The following RC3H1 variants were observed in gnomAD, a reference collection of about 807,000 sequenced individuals.
The protein encoded by RC3H1 is ring finger and CCCH-type domains 1.
RC3H1 carries 50 observed loss-of-function variants against 138.2 expected under a neutral mutation model. The observed-to-expected ratio is 0.36, with a 90% CI of 0.29 to 0.46. The LOEUF (loss-of-function observed/expected upper bound fraction) is 0.46, where lower values mean the gene tolerates loss of function less well. RC3H1 is among the 20% of genes least tolerant of loss of function. The pLI is 1.00. For synonymous variants in RC3H1, 462 were observed against 489.1 expected (o/e 0.94, Z 0.73); for missense variants, 1,031 against 1,388.1 (o/e 0.74, Z 4.09).
chr1:173,953,281 CCTT>C (rs1659496065), intron 13 of RC3H1, among the ~76,000 whole-genome samples: 3 of 152,090 alleles, frequency 2.0e-5, no homozygotes, highest in Admixed American at 1.3e-4. Flanking sequence ...TTACAGTGCT[CCTT>C]TTTTTTGAGA....
At chr1:173,940,398 G>C (rs1317343882) in intron 19 of RC3H1, among the ~76,000 whole-genome samples, 1 of 152,088 alleles carries the variant, frequency 6.6e-6, no homozygotes, top group Non-Finnish European at 1.5e-5. Flanking sequence ...TTGAACCCAG[G>C]AGGCGGAGGT....
At chr1:173,963,130 G>A (rs929787545) in intron 11 of RC3H1, among the ~76,000 whole-genome samples, 1 of 151,852 alleles carries the variant, frequency 6.6e-6, no homozygotes, top group Admixed American at 6.6e-5. Flanking sequence ...CTCCATACCT[G>A]GTATTATCAT....
intron 5 of RC3H1, among the ~76,000 whole-genome samples, chr1:173,981,328 C>A (rs1413447157): frequency 6.6e-6 from 1 of 152,134 alleles, no homozygotes; most frequent in Non-Finnish European, 1.5e-5. Flanking sequence ...TTTAGAATAT[C>A]TGCATTAAAC....
Position 173,935,189 on chromosome 1 carries a change from T to C in RC3H1, c.*3532A>G, listed in dbSNP as rs1419365917. 6.6e-6 allele frequency: 1 copy of C among 152,202 alleles called. No homozygotes were observed. The highest frequency in any genetic ancestry group is 1.5e-5 in the Non-Finnish European group (1 of 68,032). 9.4% of individuals were successfully genotyped at this position (152,202 alleles called of 1,614,324 possible). The stretch of plus-strand genomic sequence containing the variant: ...TTTGGTCACTTCAGCCTCTGTACGT[T>C]ATCTAAGACAGGACAGTTACTGGAC... On this transcript the variant is annotated 3_prime_UTR_variant, in exon 20 of 20. Transcript: ENST00000367696.
At chr1:173,952,401 G>GGAAAA (rs780465060) in intron 13 of RC3H1, among the ~76,000 whole-genome samples, 1 of 56,004 alleles carries the variant, frequency 1.8e-5, no homozygotes, top group Non-Finnish European at 2.9e-5. Context: ...TTAGCAGAAG[G>GGAAAA]TAAAAAAAAA....
chr1:173,956,614 G>A (rs570124916), intron 13 of RC3H1, among the ~76,000 whole-genome samples: 28 of 147,990 alleles, frequency 1.9e-4, no homozygotes, highest in African/African-American at 6.2e-4. Flanking sequence ...AGCCGAGATC[G>A]CGCCATTGCA....
intron 5 of RC3H1, 73 bp downstream of exon 5, chr1:173,982,648 TAAACTC>T (rs1429467800): frequency 1.5e-6 from 2 of 1,308,238 alleles, no homozygotes; most frequent in Non-Finnish European, 2.1e-6. Context: ...GCAACTTTAT[TAAACTC>T]AAAGTTTTAC....
At chr1:173,953,068 CATT>C (rs1436576381) in intron 13 of RC3H1, among the ~76,000 whole-genome samples, 1 of 152,184 alleles carries the variant, frequency 6.6e-6, no homozygotes, top group African/African-American at 2.4e-5. Flanking sequence ...TCTGAGTCAT[CATT>C]ATTGGCCTTC....
At chr1:173,945,838 G>A (rs1026618789) in intron 17 of RC3H1, among the ~76,000 whole-genome samples, 4 of 151,786 alleles carry the variant, frequency 2.6e-5, no homozygotes, top group Admixed American at 1.3e-4. Flanking sequence ...CTCCTGATTA[G>A]CTGGGATTAC....
chr1:173,985,417 CAATTCTTCTACATTTTATGTAGAAAGAT>C (rs145389429), intron 2 of RC3H1, among the ~76,000 whole-genome samples: 1 of 150,504 alleles, frequency 6.6e-6, no homozygotes, highest in Non-Finnish European at 1.5e-5. Flanking sequence ...ATAAGGGTTC[CAATTCTTCTACATTTTATGTAGAAAGAT>C]AATTCTTCTA....
chr1:173,981,091 A>G (rs1359708233), intron 5 of RC3H1, 82 bp from the exon 6 acceptor site: 2 of 1,171,894 alleles, frequency 1.7e-6, no homozygotes, highest in Non-Finnish European at 2.4e-6. Flanking sequence ...TTAATGTAAC[A>G]AATTTAGCAT....
At chr1:173,987,281 A>G (rs1188939026) in intron 2 of RC3H1, among the ~76,000 whole-genome samples, 1 of 152,206 alleles carries the variant, frequency 6.6e-6, no homozygotes, top group African/African-American at 2.4e-5. Context: ...GGAATTCTGC[A>G]CGGGAGATTT....
At chr1:173,994,522 GGTGT>G (rs922447372) in intron 1 of RC3H1, among the ~76,000 whole-genome samples, 5 of 152,064 alleles carry the variant, frequency 3.3e-5, no homozygotes, top group Non-Finnish European at 5.9e-5. Flanking sequence ...TTTCAGGCTG[GGTGT>G]GATGGCTCAT....
Position 173,937,409 on chromosome 1 carries a change from T to C in RC3H1, c.*1312A>G, listed in dbSNP as rs528307050. The C allele has an allele frequency of 9.2e-5, 14 of 151,452 alleles. No individual in the cohort carries two copies. The highest frequency in any genetic ancestry group is 1.9e-4 in the East Asian group (1 of 5,172). The allele number at this position is 151,452 out of a possible 1,614,324, so 9.4% of individuals were successfully genotyped here. On this transcript the variant is annotated 3_prime_UTR_variant, in exon 20 of 20. Transcript: ENST00000367696. ...GGGAAACTGAAAAAAATCAGGCAAA[T>C]AGAGGAATGGAGAGGGCAACTATAT...
At chr1:173,955,321 T>C (rs1301155312) in intron 13 of RC3H1, among the ~76,000 whole-genome samples, 2 of 140,572 alleles carry the variant, frequency 1.4e-5, no homozygotes, top group African/African-American at 5.5e-5. Flanking sequence ...GATGTTGGCT[T>C]TTTTTTTTTT....
At chr1:173,970,168 A>G (rs1446327231) in intron 9 of RC3H1, among the ~76,000 whole-genome samples, 2 of 152,226 alleles carry the variant, frequency 1.3e-5, no homozygotes, top group East Asian at 3.8e-4. Context: ...ACCCAAATAT[A>G]TAACATGAAA....
chr1:173,946,940 G>GT, intron 15 of RC3H1, 104 bp from the exon 16 acceptor site: 2 of 759,900 alleles, frequency 2.6e-6, no homozygotes, highest in Non-Finnish European at 4.5e-6. Flanking sequence ...CAGGTATCTG[G>GT]TATCTACCCT....
At chr1:173,990,914 T>C (rs1285485540) in intron 2 of RC3H1, among the ~76,000 whole-genome samples, 1 of 152,190 alleles carries the variant, frequency 6.6e-6, no homozygotes, top group Non-Finnish European at 1.5e-5. Flanking sequence ...AGAAAACTGT[T>C]ATTAACATAC....
chr1:174,004,627 G>C (rs1661620106), intron 1 of RC3H1, among the ~76,000 whole-genome samples: 1 of 148,774 alleles, frequency 6.7e-6, no homozygotes. Context: ...CCAACATGGT[G>C]GAACCCCATC....
Sources: gnomAD v4.1 joint callset for allele counts (sites outside exome capture counted in the v4.1 genomes callset) on GRCh38, gnomAD v4.1.1 for gene constraint, MANE v1.5 for transcripts, NCBI Gene and HGNC (gene_info 2026-07-23, HGNC 2026-07-21) for gene names.